The following VEPH1 variants were observed in gnomAD, a reference collection of about 807,000 sequenced individuals.
The protein encoded by VEPH1 is ventricular zone-expressed PH domain-containing protein homolog 1.
Under a neutral mutation model 85.2 loss-of-function variants are expected in VEPH1, and 80 were observed. The ratio of observed to expected loss-of-function variants is 0.94; its 90% CI spans 0.78 to 1.13. VEPH1 has a LOEUF of 1.13. VEPH1 is among the 50% of genes most tolerant of loss of function. The pLI is 0.00. For missense variants in VEPH1, 955 were observed against 980.5 expected (o/e 0.97, Z 0.35); for synonymous variants, 297 against 348.0 (o/e 0.85, Z 1.63).
At chr3:157,336,872 GA>G in intron 9 of VEPH1, among the ~76,000 whole-genome samples, 1 of 152,322 alleles carries the variant, frequency 6.6e-6, no homozygotes, top group East Asian at 1.9e-4. Context: ...TACAATGGCA[GA>G]ATTGAGCAGC....
chr3:157,347,679 T>C (rs111685100), intron 9 of VEPH1, among the ~76,000 whole-genome samples: 6,099 of 152,284 alleles, frequency 0.04, 158 homozygotes, highest in South Asian at 0.11. Context: ...CTCTTCCTTT[T>C]ATGGATTGGA....
intron 12 of VEPH1, among the ~76,000 whole-genome samples, chr3:157,272,300 TCCTCTCTCTCTCTCTC>T (rs1327685826): frequency 2.1e-5 from 3 of 139,994 alleles, no homozygotes; most frequent in African/African-American, 8.1e-5. Context: ...TTCCTTCCCT[TCCTCTCTCTCTCTCTC>T]CCTCTCTCTC....
intron 11 of VEPH1, among the ~76,000 whole-genome samples, chr3:157,289,007 T>A (rs1357288): frequency 0.23 from 34,868 of 151,988 alleles, 4,658 homozygotes; most frequent in Admixed American, 0.41. Flanking sequence ...ACTTTTTTTT[T>A]AAAAAGTATG....
intron 6 of VEPH1, among the ~76,000 whole-genome samples, chr3:157,384,622 G>T (rs1471634111): frequency 6.6e-6 from 1 of 152,176 alleles, no homozygotes; most frequent in Non-Finnish European, 1.5e-5. Flanking sequence ...ATCGCTGGCA[G>T]CCAACTGAGT....
chr3:157,274,747 A>G (rs543934105), intron 12 of VEPH1, among the ~76,000 whole-genome samples: 72 of 151,948 alleles, frequency 4.7e-4, no homozygotes, highest in Non-Finnish European at 9.3e-4. Context: ...TGATCCTCCC[A>G]TTTCTGCCTC....
At chr3:157,311,656 A>G (rs1213867055) in intron 11 of VEPH1, among the ~76,000 whole-genome samples, 1 of 152,234 alleles carries the variant, frequency 6.6e-6, no homozygotes, top group African/African-American at 2.4e-5. Context: ...AACACAAGAA[A>G]TGTGAATAAG....
At chr3:157,495,168 GA>G in intron 2 of VEPH1, 43 bp downstream of exon 2, 1 of 1,588,566 alleles carries the variant, frequency 6.3e-7, no homozygotes. Flanking sequence ...CTAGCTCTAG[GA>G]CAGGCCATTT....
At chr3:157,463,094 C>T (rs139897241) in intron 3 of VEPH1, among the ~76,000 whole-genome samples, 120 of 152,264 alleles carry the variant, frequency 7.9e-4, no homozygotes, top group African/African-American at 2.9e-3. Context: ...GAGCCCAATG[C>T]CTTAGGCTGT....
At chr3:157,429,182 T>A (rs1227649219) in intron 4 of VEPH1, among the ~76,000 whole-genome samples, 1 of 152,216 alleles carries the variant, frequency 6.6e-6, no homozygotes, top group Non-Finnish European at 1.5e-5. Flanking sequence ...ATGGGCAACA[T>A]CTGCTTATCA....
chr3:157,417,681 A>G (rs954749208), intron 5 of VEPH1, among the ~76,000 whole-genome samples: 12 of 152,224 alleles, frequency 7.9e-5, no homozygotes, highest in Middle Eastern at 3.4e-3. Flanking sequence ...GAAATCTCAT[A>G]CTTTCAAATT....
At chr3:157,385,956 A>G (rs997033063) in intron 6 of VEPH1, among the ~76,000 whole-genome samples, 1 of 152,202 alleles carries the variant, frequency 6.6e-6, no homozygotes, top group African/African-American at 2.4e-5. Flanking sequence ...GATGCATTTC[A>G]TTATATAATA....
chr3:157,285,299 A>G (rs932550937), intron 12 of VEPH1: 2 of 152,254 alleles, frequency 1.3e-5, no homozygotes, highest in African/African-American at 4.8e-5. Flanking sequence ...TGTGCTTCAC[A>G]AAGGCTGGCG....
chr3:157,400,191 A>G (rs921538104), intron 6 of VEPH1, among the ~76,000 whole-genome samples: 2 of 152,090 alleles, frequency 1.3e-5, no homozygotes, highest in Non-Finnish European at 2.9e-5. Flanking sequence ...TCTGGGCAAA[A>G]CAATTTTTTA....
chr3:157,370,346 G>A (rs763762296), intron 7 of VEPH1, among the ~76,000 whole-genome samples: 43 of 152,148 alleles, frequency 2.8e-4, no homozygotes, highest in Admixed American at 2.0e-3. Flanking sequence ...ATTAGTTAAT[G>A]TTTGATGATC....
intron 4 of VEPH1, among the ~76,000 whole-genome samples, chr3:157,429,346 C>G (rs1732974120): frequency 6.6e-6 from 1 of 151,942 alleles, no homozygotes; most frequent in Non-Finnish European, 1.5e-5. Flanking sequence ...CAGAAAGAAT[C>G]AAATAAGAAG....
At chr3:157,395,314 G>A (rs906794969) in intron 6 of VEPH1, among the ~76,000 whole-genome samples, 3 of 152,182 alleles carry the variant, frequency 2.0e-5, no homozygotes, top group Non-Finnish European at 4.4e-5. Flanking sequence ...TAATCAACCT[G>A]CCACAGGTAG....
At chr3:157,321,175 C>T (rs1284476162) in intron 9 of VEPH1, among the ~76,000 whole-genome samples, 1 of 151,992 alleles carries the variant, frequency 6.6e-6, no homozygotes, top group Non-Finnish European at 1.5e-5. Context: ...CTTTACAAAA[C>T]TTATCCTTTG....
chr3:157,338,916 G>A (rs1723231493), intron 9 of VEPH1, among the ~76,000 whole-genome samples: 1 of 152,184 alleles, frequency 6.6e-6, no homozygotes, highest in Non-Finnish European at 1.5e-5. Flanking sequence ...ACTGTGTTGA[G>A]CACTTGCTTT....
At chr3:157,431,770 G>A (rs1005210573) in intron 4 of VEPH1, among the ~76,000 whole-genome samples, 1 of 151,372 alleles carries the variant, frequency 6.6e-6, no homozygotes, top group Non-Finnish European at 1.5e-5. Context: ...CTGATGGGAT[G>A]TATCTAATAT....
Sources: allele counts gnomAD v4.1 joint callset (sites outside exome capture counted in the v4.1 genomes callset), GRCh38; gene constraint gnomAD v4.1.1; transcripts MANE v1.5; gene names NCBI Gene and HGNC (gene_info 2026-07-23, HGNC 2026-07-21).